Variants in CFAP299 observed in about 807,000 individuals in gnomAD.
CFAP299 encodes the protein cilia and flagella associated protein 299.
In CFAP299, 21 loss-of-function variants were observed where a neutral mutation model predicts 27.0. The observed-to-expected ratio is 0.78, with a 90% CI of 0.55 to 1.12. The LOEUF is 1.12. CFAP299 is among the 50% of genes most tolerant of loss of function. The pLI is 0.00. For synonymous variants in CFAP299, 104 were observed against 98.1 expected, an observed-to-expected ratio of 1.06 and a Z score of -0.36; for missense variants, 310 against 276.6, an observed-to-expected ratio of 1.12 and a Z score of -0.86.
At chr4:80,562,498 AG>A (rs938543644) in intron 2 of CFAP299, among the ~76,000 whole-genome samples, 16 of 151,234 alleles carry the variant, frequency 1.1e-4, no homozygotes, top group Non-Finnish European at 1.9e-4. Context: ...CAAAGATTAG[AG>A]CCTTTGTTAG....
chr4:80,846,352 T>C (rs550294249), intron 3 of CFAP299, among the ~76,000 whole-genome samples: 37 of 152,296 alleles, frequency 2.4e-4, no homozygotes, highest in African/African-American at 8.4e-4. Flanking sequence ...TGCTAGACTG[T>C]GAACTCCATG....
intron 3 of CFAP299, among the ~76,000 whole-genome samples, chr4:80,772,740 AGT>A (rs201541014): frequency 0.011 from 1,634 of 152,010 alleles, 34 homozygotes; most frequent in African/African-American, 0.037. Flanking sequence ...AAGGCCCCGG[AGT>A]GTGTTATTCC....
chr4:80,384,769 C>T (rs1724880868), intron 2 of CFAP299, among the ~76,000 whole-genome samples: 1 of 152,080 alleles, frequency 6.6e-6, no homozygotes, highest in Non-Finnish European at 1.5e-5. Flanking sequence ...CCATTCCCAC[C>T]ACCTTTCTAA....
At chr4:80,891,767 A>AC (rs1734292833) in intron 4 of CFAP299, among the ~76,000 whole-genome samples, 1 of 113,414 alleles carries the variant, frequency 8.8e-6, no homozygotes, top group Non-Finnish European at 1.6e-5. Context: ...GAGTATAATA[A>AC]AAAAAAAAAT....
At chr4:80,407,246 T>C (rs1182013980) in intron 2 of CFAP299, among the ~76,000 whole-genome samples, 2 of 152,114 alleles carry the variant, frequency 1.3e-5, no homozygotes, top group African/African-American at 4.8e-5. Context: ...GTATCAGTTA[T>C]CTACGGTCAT....
chr4:80,487,786 A>G (rs1442503224), intron 2 of CFAP299, among the ~76,000 whole-genome samples: 1 of 152,218 alleles, frequency 6.6e-6, no homozygotes, highest in Non-Finnish European at 1.5e-5. Context: ...ACTTAGGCCT[A>G]AAATAACTTA....
Position 80,794,506 on chromosome 4 carries a change from G to A in CFAP299, c.334-75487G>A, listed in dbSNP as rs55893546. ...CCCCAGCCCTGCAAAGCACTGTCAC[G>A]TAGTTGGCATTGTAATTGTGACTTC... is the stretch of plus-strand genomic sequence containing the variant. On this transcript the variant is annotated intron_variant, in intron 3 of 5. Coordinates refer to ENST00000358105, the MANE Select transcript of CFAP299 (RefSeq NM_152770.3). 3.9e-5 allele frequency among the ~76,000 whole-genome samples: 6 copies of A among 152,176 alleles called. No individual in the cohort carries two copies. The South Asian group carries it at 6.2e-4, about 16-fold the overall frequency.
intron 3 of CFAP299, among the ~76,000 whole-genome samples, chr4:80,822,678 C>A (rs552259051): frequency 1.1e-4 from 17 of 152,104 alleles, no homozygotes; most frequent in Non-Finnish European, 2.2e-4. Context: ...ATTATTGAAC[C>A]CAAAGTTGTA....
At chr4:80,631,861 C>CG (rs748505008) in intron 3 of CFAP299, among the ~76,000 whole-genome samples, 1 of 54,460 alleles carries the variant, frequency 1.8e-5, no homozygotes, top group Non-Finnish European at 3.7e-5. Context: ...ATATTTGTGC[C>CG]CCACCCCCCC....
chr4:80,438,505 T>C (rs1728200511), intron 2 of CFAP299, among the ~76,000 whole-genome samples: 1 of 152,246 alleles, frequency 6.6e-6, no homozygotes, highest in Non-Finnish European at 1.5e-5. Flanking sequence ...TTGTCTGATT[T>C]TTCTGAGACA....
chr4:80,728,530 G>A (rs997756082), intron 3 of CFAP299, among the ~76,000 whole-genome samples: 2 of 151,754 alleles, frequency 1.3e-5, no homozygotes, highest in African/African-American at 4.8e-5. Context: ...CCTTTATTTG[G>A]AGCTTATATT....
chr4:80,811,060 T>C (rs1231309612), intron 3 of CFAP299, among the ~76,000 whole-genome samples: 1 of 152,110 alleles, frequency 6.6e-6, no homozygotes, highest in Non-Finnish European at 1.5e-5. Flanking sequence ...TTACAATAAC[T>C]TCAGTAGTGT....
At chr4:80,957,759 T>A (rs912223225) in intron 5 of CFAP299, among the ~76,000 whole-genome samples, 1 of 152,166 alleles carries the variant, frequency 6.6e-6, no homozygotes, top group Non-Finnish European at 1.5e-5. Context: ...ACCCACTGTT[T>A]GATTTTTTGC....
At chr4:80,596,884 C>T (rs1374156953) in intron 3 of CFAP299, among the ~76,000 whole-genome samples, 1 of 152,080 alleles carries the variant, frequency 6.6e-6, no homozygotes, top group Admixed American at 6.5e-5. Flanking sequence ...TTTATGAGAA[C>T]CATCCATGTT....
chr4:80,954,791 T>G (rs1353408056), intron 5 of CFAP299, among the ~76,000 whole-genome samples: 1 of 151,116 alleles, frequency 6.6e-6, no homozygotes, highest in African/African-American at 2.4e-5. Context: ...CGAGGTCAGG[T>G]GATCGAGACC....
intron 4 of CFAP299, among the ~76,000 whole-genome samples, chr4:80,881,010 T>C (rs1425733123): frequency 1.3e-5 from 2 of 152,020 alleles, no homozygotes; most frequent in East Asian, 1.9e-4. Context: ...TCTAAACAAC[T>C]AGAAATAAAG....
intron 2 of CFAP299, among the ~76,000 whole-genome samples, chr4:80,398,940 A>C (rs948828108): frequency 6.6e-6 from 1 of 152,222 alleles, no homozygotes; most frequent in Non-Finnish European, 1.5e-5. Context: ...CAATCTACTC[A>C]TCTGACAAAG....
At chr4:80,778,503 C>A (rs926442712) in intron 3 of CFAP299, among the ~76,000 whole-genome samples, 2 of 152,036 alleles carry the variant, frequency 1.3e-5, no homozygotes. Flanking sequence ...ATTCTACTGG[C>A]AGTTAAACTG....
At chr4:80,903,455 T>C (rs1282895926) in intron 4 of CFAP299, among the ~76,000 whole-genome samples, 3 of 152,126 alleles carry the variant, frequency 2.0e-5, no homozygotes, top group Admixed American at 6.5e-5. Context: ...ATTATTTTGT[T>C]CTAATTATAA....
Sources: allele counts gnomAD v4.1 joint callset (sites outside exome capture counted in the v4.1 genomes callset), GRCh38; gene constraint gnomAD v4.1.1; transcripts MANE v1.5; gene names NCBI Gene and HGNC (gene_info 2026-07-23, HGNC 2026-07-21).